Variants in CDH23 observed in about 807,000 individuals in gnomAD.
CDH23 encodes the protein cadherin related 23, also known as cadherin-23.
Under a neutral mutation model 317.1 loss-of-function variants are expected in CDH23, and 189 were observed. That is an observed-to-expected ratio of 0.60 (90% CI 0.53 to 0.67). CDH23 has a LOEUF of 0.67. Ranked by LOEUF, CDH23 falls within the 30% of genes least tolerant of loss-of-function variation. The probability of loss-of-function intolerance (pLI) is 0.00; values close to 1 mark genes in which losing one functional copy is unlikely to be tolerated. For missense variants in CDH23, 4,401 were observed against 4,592.4 expected (o/e 0.96, Z 1.20); for synonymous variants, 1,839 against 1,876.8 (o/e 0.98, Z 0.52).
intron 28 of CDH23, among the ~76,000 whole-genome samples, chr10:71,721,469 G>T (rs1311409139): frequency 6.6e-6 from 1 of 152,208 alleles, no homozygotes; most frequent in African/African-American, 2.4e-5. Flanking sequence ...TGCAAGGCTG[G>T]TCATCATTGT....
chr10:71,466,096 C>T (rs985903003), intron 3 of CDH23, among the ~76,000 whole-genome samples: 1 of 152,160 alleles, frequency 6.6e-6, no homozygotes, highest in African/African-American at 2.4e-5. Context: ...TCACCCACTC[C>T]AGGGCCACCC....
intron 11 of CDH23, among the ~76,000 whole-genome samples, chr10:71,638,394 G>A (rs955093846): frequency 1.3e-5 from 2 of 152,248 alleles, no homozygotes; most frequent in Admixed American, 6.5e-5. Context: ...GAGGGCCAAA[G>A]AGCCAGAGAG....
intron 6 of CDH23, among the ~76,000 whole-genome samples, chr10:71,561,169 A>G (rs940653308): frequency 1.1e-4 from 17 of 151,284 alleles, no homozygotes; most frequent in Admixed American, 9.2e-4. Context: ...TTTCTCCCCA[A>G]GTTTCCTTTC....
In CDH23 at chr10:71,797,198, G is replaced by A. The variant is rs2132962584; in HGVS notation, c.6807G>A (p.Glu2269=). The stretch of plus-strand genomic sequence containing the variant: ...TTGACAATGCCAGCGACCTACCAGA[G>A]CGCTCTGTCAGTGTGCCAAATGGTA... ...SVIDNASDLP[E]RSVSVPNAKL... is the part of the protein sequence containing the mutation. Residue 2269 remains glutamate, a synonymous_variant, in exon 49 of 70, where the codon GAG becomes GAA. Coordinates refer to ENST00000224721, the MANE Select transcript of CDH23 (RefSeq NM_022124.6). The A allele has an allele frequency of 6.2e-7, 1 of 1,612,926 alleles. No individual in the cohort carries two copies. Among genetic ancestry groups the A allele is most frequent in the Non-Finnish European group, 8.5e-7 (1 of 1,179,324 alleles).
In CDH23 at chr10:71,730,568, T is replaced by A; in HGVS notation, c.3679T>A (p.Ser1227Thr). Residue 1227 changes from serine to threonine, a missense_variant, in exon 31 of 70, where the codon TCA becomes ACA. This residue lies in a region of CDH23 where 3,068 missense variants were observed against 3,203.3 expected (regional missense o/e 0.96). Transcript: ENST00000224721. ...TCGAGAGACCGCAGGCATTGGAACG[T>A]CAGTCATCGTGGTCCAAGCCACAGA... Reference protein sequence around the residue: ...GLRETAGIGTSVIVVQATDRD... With the variant: ...GLRETAGIGTTVIVVQATDRD... 6.2e-7 allele frequency: 1 copy of A among 1,613,882 alleles called. No individual in the cohort carries two copies. Among genetic ancestry groups the A allele is most frequent in the Non-Finnish European group, 8.5e-7 (1 of 1,179,884 alleles).
chr10:71,671,948 C>T (rs760152637), intron 14 of CDH23, among the ~76,000 whole-genome samples: 2 of 152,108 alleles, frequency 1.3e-5, no homozygotes, highest in South Asian at 2.1e-4. Context: ...CAGAGATAGA[C>T]GTACCTTTCT....
At chr10:71,603,435 G>T (rs1001090016) in intron 9 of CDH23, among the ~76,000 whole-genome samples, 3 of 149,066 alleles carry the variant, frequency 2.0e-5, no homozygotes, top group Non-Finnish European at 4.4e-5. Context: ...AGTTATGTGG[G>T]CCCTGCCCAG....
Position 71,803,202 on chromosome 10 carries a change from C to T in CDH23, c.7661-7C>T, listed in dbSNP as rs1260019399. On this transcript the variant is annotated splice_polypyrimidine_tract_variant and splice_region_variant and intron_variant, in intron 54 of 69. Transcript: ENST00000224721. ...AACCAGAGCTACTCTCCTGCTCCCA[C>T]TGCCAGAGGCCTTCCATGTGGACAT... 5 of 1,608,368 alleles carry T rather than the reference C, an allele frequency of 3.1e-6. No individual in the cohort carries two copies. Among genetic ancestry groups the T allele is most frequent in the Admixed American group, 3.4e-5 (2 of 59,104 alleles).
intron 47 of CDH23, among the ~76,000 whole-genome samples, chr10:71,792,634 G>GACCA (rs71018222): frequency 0.33 from 49,900 of 150,452 alleles, 8,686 homozygotes; most frequent in East Asian, 0.53. Flanking sequence ...AGACCAGCCT[G>GACCA]ACATGGAGAA....
Position 71,720,924 on chromosome 10 carries a change from A to G in CDH23, c.3370-3121A>G, listed in dbSNP as rs76226002. Among the ~76,000 whole-genome samples, 454 of 152,312 alleles carry G rather than the reference A, an allele frequency of 3.0e-3. 1 individual carries two copies. Among genetic ancestry groups the G allele is most frequent in the African/African-American group, 0.01 (430 of 41,574 alleles). On this transcript the variant is annotated intron_variant, in intron 28 of 69. Coordinates refer to ENST00000224721, the MANE Select transcript of CDH23 (RefSeq NM_022124.6). ...GGGCAGGGGCAGGCAGTAGGCATCC[A>G]GGGTAGGCAAAGCATCCGGCCCAAA...
At position 71,797,104 on chromosome 10, in the gene CDH23, G is replaced by A; in HGVS notation, c.6713G>A (p.Gly2238Glu). ...EDAFAVNINTGSVMVKSPMNR... is the reference protein window; with the variant it reads ...EDAFAVNINTESVMVKSPMNR... ...GAACCTGGCCTGGTCTGGTCCACAG[G>A]ATCTGTAATGGTGAAGTCCCCCATG... Residue 2238 changes from glycine (G) to glutamate (E), a missense_variant and splice_region_variant, in exon 49 of 70, where the codon GGA (glycine) becomes GAA (glutamate). By Grantham distance (98) the Gly-to-Glu change is moderately conservative. Coordinates refer to ENST00000224721, the MANE Select transcript of CDH23 (RefSeq NM_022124.6). 1 of 1,607,246 alleles carries A rather than the reference G, an allele frequency of 6.2e-7. No homozygotes were observed. The highest frequency in any genetic ancestry group is 8.5e-7 in the Non-Finnish European group (1 of 1,174,662).
chr10:71,500,299 T>C (rs927357195), intron 3 of CDH23, among the ~76,000 whole-genome samples: 1 of 152,218 alleles, frequency 6.6e-6, no homozygotes, highest in African/African-American at 2.4e-5. Flanking sequence ...TGCCTGTGTG[T>C]ACTTCACTTA....
chr10:71,639,578 C>T (rs918433993), intron 11 of CDH23, among the ~76,000 whole-genome samples: 5 of 152,178 alleles, frequency 3.3e-5, no homozygotes, highest in South Asian at 2.1e-4. Context: ...GACTCCGAGG[C>T]GGGGTGGGGG....
intron 6 of CDH23, among the ~76,000 whole-genome samples, chr10:71,532,700 CTTTTGTTTTTGTTTTT>C (rs1253066074): frequency 4.1e-4 from 54 of 131,600 alleles, no homozygotes; most frequent in African/African-American, 1.2e-3. Flanking sequence ...GGCAAGTTTT[CTTTTGTTTTTGTTTTT>C]TTTTTTTTTT....
intron 3 of CDH23, among the ~76,000 whole-genome samples, chr10:71,489,218 G>A (rs754080906): frequency 6.6e-6 from 1 of 152,182 alleles, no homozygotes; most frequent in African/African-American, 2.4e-5. Context: ...ATGTAAGTTA[G>A]ATCATTTATT....
chr10:71,558,668 G>T (rs1018680315), intron 6 of CDH23, among the ~76,000 whole-genome samples: 4 of 152,168 alleles, frequency 2.6e-5, no homozygotes, highest in Non-Finnish European at 5.9e-5. Flanking sequence ...GTAGCTGCCT[G>T]GAAGCTTGCT....
chr10:71,784,233 T>C (rs1841034925), intron 41 of CDH23, 54 bp from the exon 42 acceptor site: 3 of 1,574,676 alleles, frequency 1.9e-6, no homozygotes, highest in Non-Finnish European at 2.6e-6. Flanking sequence ...TCCTGGGGTC[T>C]CCACAGTTCC....
At chr10:71,473,735 G>T (rs936248071) in intron 3 of CDH23, among the ~76,000 whole-genome samples, 2 of 152,242 alleles carry the variant, frequency 1.3e-5, no homozygotes, top group Non-Finnish European at 2.9e-5. Flanking sequence ...TATGGATGAT[G>T]ATTGTAGCTG....
intron 43 of CDH23, 95 bp downstream of exon 43, chr10:71,785,195 C>T: frequency 9.9e-7 from 1 of 1,008,378 alleles, no homozygotes; most frequent in Non-Finnish European, 1.5e-6. Context: ...CATCTGGGCT[C>T]CACCGGGCTC....
Sources: gnomAD v4.1 joint callset for allele counts (sites outside exome capture counted in the v4.1 genomes callset) on GRCh38, gnomAD v4.1.1 for gene constraint, gnomAD v4.1.1 regional missense constraint, MANE v1.5 for transcripts, NCBI Gene and HGNC (gene_info 2026-07-23, HGNC 2026-07-21) for gene names.